Variants in TNR observed in about 807,000 individuals in gnomAD.
The protein encoded by TNR is tenascin-R.
TNR carries 45 observed loss-of-function variants against 150.4 expected under a neutral mutation model. That is an observed-to-expected ratio of 0.30 (90% CI 0.24 to 0.38). The LOEUF is 0.38. Among genes scored for constraint, TNR ranks in the 10% least tolerant of loss-of-function variants. The pLI, the probability that TNR is intolerant of heterozygous loss-of-function variation, is 1.00. For missense variants in TNR, 1,544 were observed against 1,759.1 expected, an observed-to-expected ratio of 0.88 and a Z score of 2.19; for synonymous variants, 687 against 678.4, an observed-to-expected ratio of 1.01 and a Z score of -0.20.
chr1:175,374,524 GTC>G (rs71837081), intron 9 of TNR, among the ~76,000 whole-genome samples: 3,909 of 152,238 alleles, frequency 0.026, 154 homozygotes, highest in African/African-American at 0.089. Context: ...AAGTGCAAGA[GTC>G]TGTAGGTGTG....
At chr1:175,645,135 G>T (rs1012254754) in intron 1 of TNR, among the ~76,000 whole-genome samples, 6 of 152,070 alleles carry the variant, frequency 3.9e-5, no homozygotes, top group African/African-American at 1.4e-4. Flanking sequence ...GAAGTAATTT[G>T]AAAACAATAA....
At chr1:175,469,697 C>T (rs1385689951) in intron 2 of TNR, among the ~76,000 whole-genome samples, 1 of 151,918 alleles carries the variant, frequency 6.6e-6, no homozygotes, top group Non-Finnish European at 1.5e-5. Flanking sequence ...GGAAGGCAGG[C>T]TAAGGTGCTC....
At chr1:175,532,238 G>A (rs535229013) in intron 1 of TNR, among the ~76,000 whole-genome samples, 2 of 152,216 alleles carry the variant, frequency 1.3e-5, no homozygotes, top group African/African-American at 2.4e-5. Flanking sequence ...ATACCCCAAA[G>A]TATGGTCAAT....
chr1:175,392,019 C>T (rs1334071473), intron 6 of TNR, among the ~76,000 whole-genome samples: 1 of 152,044 alleles, frequency 6.6e-6, no homozygotes, highest in Non-Finnish European at 1.5e-5. Context: ...TCCCCTTCAC[C>T]CAGATGAATT....
At chr1:175,721,006 T>C (rs951315266) in intron 1 of TNR, among the ~76,000 whole-genome samples, 1 of 152,230 alleles carries the variant, frequency 6.6e-6, no homozygotes, top group African/African-American at 2.4e-5. Flanking sequence ...GAAGCAGAGC[T>C]ACAGTGAGGG....
chr1:175,557,122 A>G (rs902528531), intron 1 of TNR, among the ~76,000 whole-genome samples: 6 of 152,202 alleles, frequency 3.9e-5, no homozygotes, highest in Non-Finnish European at 8.8e-5. Flanking sequence ...TGAGGCCTTC[A>G]GCCCAACAAG....
chr1:175,352,628 G>C (rs1651109310), intron 18 of TNR, among the ~76,000 whole-genome samples: 1 of 152,154 alleles, frequency 6.6e-6, no homozygotes, highest in South Asian at 2.1e-4. Flanking sequence ...CCCCATAAAA[G>C]AGATCAAGTG....
At chr1:175,623,937 C>G (rs1014895692) in intron 1 of TNR, among the ~76,000 whole-genome samples, 3 of 152,180 alleles carry the variant, frequency 2.0e-5, no homozygotes, top group Non-Finnish European at 4.4e-5. Context: ...TCTATGCTAC[C>G]CTGGTTTTCT....
At chr1:175,451,182 G>T (rs1335886633) in intron 2 of TNR, among the ~76,000 whole-genome samples, 1 of 150,420 alleles carries the variant, frequency 6.6e-6, no homozygotes, top group Non-Finnish European at 1.5e-5. Context: ...GAGATTTAAA[G>T]CCTGCTCAAA....
chr1:175,419,787 C>T (rs934806634), intron 2 of TNR, among the ~76,000 whole-genome samples: 11 of 152,098 alleles, frequency 7.2e-5, no homozygotes, highest in Admixed American at 7.2e-4. Flanking sequence ...TGGCCCCAGT[C>T]CCCTTTTACT....
rs529315704 is a variant in TNR at position 175,672,285 on chromosome 1, C to T, written c.-165+70941G>A. ...TGGTCAGCCAGCTTGCATTCCCCCA[C>T]CCTATCTACCTGTGGCCAACATGAA... On this transcript the variant is annotated intron_variant, in intron 1 of 22. Transcript: ENST00000367674. Among the ~76,000 whole-genome samples the T allele has an allele frequency of 3.0e-4, 46 of 152,282 alleles. 1 individual carries two copies. The highest frequency in any genetic ancestry group is 1.0e-3 in the African/African-American group (43 of 41,558).
chr1:175,405,919 A>ACCC (rs1653935408), intron 3 of TNR, among the ~76,000 whole-genome samples: 1 of 152,170 alleles, frequency 6.6e-6, no homozygotes. Context: ...GAACCGATGA[A>ACCC]CCATTACCTG....
At chr1:175,592,057 C>CT (rs1399745039) in intron 1 of TNR, among the ~76,000 whole-genome samples, 2 of 152,142 alleles carry the variant, frequency 1.3e-5, no homozygotes, top group Non-Finnish European at 2.9e-5. Context: ...AGTTTTTTTA[C>CT]TGCAGCATCA....
In TNR at chr1:175,396,813, G is replaced by A. The variant is rs200982018; in HGVS notation, c.977-6C>T. ...CAAGTCCTCTGGAGGGGCAACTACC[G>A]GGAGGCAATACACAGATAGCATGAG... is the stretch of plus-strand genomic sequence containing the variant. On this transcript the variant is annotated splice_polypyrimidine_tract_variant and splice_region_variant and intron_variant, in intron 4 of 22. Coordinates refer to ENST00000367674, the MANE Select transcript of TNR (RefSeq NM_003285.3). 1.2e-5 allele frequency: 19 copies of A among 1,611,064 alleles called. No homozygotes were observed. The highest frequency in any genetic ancestry group is 1.4e-5 in the Non-Finnish European group (17 of 1,177,698).
At chr1:175,562,787 C>T (rs1006564994) in intron 1 of TNR, among the ~76,000 whole-genome samples, 1 of 152,206 alleles carries the variant, frequency 6.6e-6, no homozygotes, top group Non-Finnish European at 1.5e-5. Flanking sequence ...CAGGTTTTAG[C>T]TGCTGTCATG....
At chr1:175,476,660 G>C (rs1430198287) in intron 2 of TNR, among the ~76,000 whole-genome samples, 7 of 152,212 alleles carry the variant, frequency 4.6e-5, no homozygotes, top group Non-Finnish European at 8.8e-5. Flanking sequence ...AGTCTCTTCA[G>C]GGGTGCTGGA....
At chr1:175,648,127 T>C (rs188614624) in intron 1 of TNR, among the ~76,000 whole-genome samples, 1 of 152,146 alleles carries the variant, frequency 6.6e-6, no homozygotes, top group Admixed American at 6.5e-5. Flanking sequence ...TGGGATCCCC[T>C]TCCTAGTCCT....
intron 1 of TNR, among the ~76,000 whole-genome samples, chr1:175,663,605 G>A (rs1328604944): frequency 2.6e-5 from 4 of 152,186 alleles, no homozygotes; most frequent in African/African-American, 9.7e-5. Context: ...ACAGGGAAAA[G>A]CCTAAATGGA....
At chr1:175,427,095 C>A (rs1655023280) in intron 2 of TNR, among the ~76,000 whole-genome samples, 1 of 150,204 alleles carries the variant, frequency 6.7e-6, no homozygotes, top group African/African-American at 2.4e-5. Flanking sequence ...CTGACCTGCA[C>A]AATGCCATGC....
Sources: allele counts gnomAD v4.1 joint callset (sites outside exome capture counted in the v4.1 genomes callset), GRCh38; gene constraint gnomAD v4.1.1; transcripts MANE v1.5; gene names NCBI Gene and HGNC (gene_info 2026-07-23, HGNC 2026-07-21).